Variants in ALMS1 observed in about 807,000 individuals in gnomAD.
ALMS1 encodes the protein ALMS1 centrosome and basal body associated protein.
Under a neutral mutation model 352.2 loss-of-function variants are expected in ALMS1, and 271 were observed. That is an observed-to-expected ratio of 0.77 (90% CI 0.70 to 0.85). The LOEUF is 0.85. Ranked by LOEUF, ALMS1 falls within the 40% of genes least tolerant of loss-of-function variation. The pLI is 0.00. For synonymous variants in ALMS1, 1,865 were observed against 1,761.2 expected, an observed-to-expected ratio of 1.06 and a Z score of -1.48; for missense variants, 5,445 against 4,870.7, an observed-to-expected ratio of 1.12 and a Z score of -3.51.
At position 73,557,234 on chromosome 2, in the gene ALMS1, G is replaced by T. The variant is rs1316719149; in HGVS notation, c.10093G>T (p.Val3365Leu). ...CGTTATTCCAGATGCCTCAGTTCAA[G>T]TGCTAATCACTGGGGATGAGAACCT... Reference protein sequence around the residue: ...QNENADASVQVLITGDENLSD... With the variant: ...QNENADASVQLLITGDENLSD... Residue 3365 changes from valine to leucine, a missense_variant, in exon 14 of 23, where the codon GTG becomes TTG. Physicochemically the swap from Val to Leu is conservative, Grantham distance 32 (BLOSUM62 1). Transcript: ENST00000613296. 1 of 1,614,054 alleles carries T rather than the reference G, an allele frequency of 6.2e-7. No homozygotes were observed. Among genetic ancestry groups the T allele is most frequent in the Admixed American group, 1.7e-5 (1 of 60,018 alleles).
chr2:73,609,737 A>T lies in ALMS1; in HGVS notation c.*125A>T. 1.0e-6 allele frequency: 1 copy of T among 982,832 alleles called. No individual in the cohort carries two copies. The highest frequency in any genetic ancestry group is 1.6e-6 in the Non-Finnish European group (1 of 625,782). The allele number at this position is 982,832 out of a possible 1,614,324, so 60.9% of individuals were successfully genotyped here. ...TGTCCATGTGTATTTTAGAAATAGT[A>T]ACTTCTAAAGAGTCTGGAACAAAGT... On this transcript the variant is annotated 3_prime_UTR_variant, in exon 23 of 23. Transcript: ENST00000613296.
chr2:73,438,915 T>C (rs1479938979), intron 7 of ALMS1, among the ~76,000 whole-genome samples: 1 of 152,144 alleles, frequency 6.6e-6, no homozygotes, highest in Admixed American at 6.5e-5. Flanking sequence ...AGAATTCTCT[T>C]TGTCCCTCGT....
At chr2:73,531,871 A>G (rs558150388) in intron 11 of ALMS1, among the ~76,000 whole-genome samples, 3 of 152,280 alleles carry the variant, frequency 2.0e-5, no homozygotes, top group African/African-American at 4.8e-5. Context: ...AACCATCAAG[A>G]TCTCCTGAGA....
At chr2:73,549,351 G>A (rs1573012284) in intron 12 of ALMS1, among the ~76,000 whole-genome samples, 1 of 152,106 alleles carries the variant, frequency 6.6e-6, no homozygotes, top group East Asian at 1.9e-4. Context: ...TAATCTTCTG[G>A]AAACATAGCT....
chr2:73,422,719 T>G, intron 3 of ALMS1, 138 bp from the exon 4 acceptor site: 1 of 723,402 alleles, frequency 1.4e-6, no homozygotes, highest in Non-Finnish European at 2.4e-6. Context: ...CTGCTACTGC[T>G]GTTGCTTTTA....
intron 10 of ALMS1, among the ~76,000 whole-genome samples, chr2:73,505,550 C>T (rs1054737502): frequency 1.3e-5 from 2 of 152,148 alleles, no homozygotes; most frequent in Non-Finnish European, 2.9e-5. Flanking sequence ...ATCCTTCGCC[C>T]ACTTTTTGAT....
chr2:73,503,086 T>C (rs1673249246), intron 10 of ALMS1, among the ~76,000 whole-genome samples: 1 of 152,070 alleles, frequency 6.6e-6, no homozygotes, highest in Admixed American at 6.6e-5. Context: ...CCCAGTAATG[T>C]CTTTTTTTTT....
At chr2:73,474,863 A>G (rs929390757) in intron 9 of ALMS1, among the ~76,000 whole-genome samples, 4 of 152,170 alleles carry the variant, frequency 2.6e-5, no homozygotes, top group South Asian at 2.1e-4. Flanking sequence ...GAATTTTACA[A>G]TAGCATAATT....
At chr2:73,421,946 C>G (rs1001610265) in intron 3 of ALMS1, among the ~76,000 whole-genome samples, 3 of 152,042 alleles carry the variant, frequency 2.0e-5, no homozygotes, top group African/African-American at 7.2e-5. Flanking sequence ...TTCAGGAAAT[C>G]ACAAGAATTT....
intron 16 of ALMS1, among the ~76,000 whole-genome samples, chr2:73,594,668 T>C (rs2104173238): frequency 6.6e-6 from 1 of 152,324 alleles, no homozygotes; most frequent in South Asian, 2.1e-4. Context: ...TCAAAGGCTT[T>C]AACTTAAATC....
chr2:73,537,347 T>C (rs1354903514), intron 12 of ALMS1, among the ~76,000 whole-genome samples: 1 of 152,138 alleles, frequency 6.6e-6, no homozygotes, highest in South Asian at 2.1e-4. Flanking sequence ...CTGTGTATGC[T>C]CAGGAAAGAC....
At chr2:73,501,012 T>C (rs1197570365) in intron 10 of ALMS1, among the ~76,000 whole-genome samples, 4 of 152,192 alleles carry the variant, frequency 2.6e-5, no homozygotes, top group East Asian at 1.9e-4. Context: ...TTAACAGTTA[T>C]TTTTAATTTC....
At chr2:73,489,595 A>G (rs755819722) in intron 9 of ALMS1, 39 bp from the exon 10 acceptor site, 1 of 1,610,608 alleles carries the variant, frequency 6.2e-7, no homozygotes, top group South Asian at 1.1e-5. Flanking sequence ...AACTACTTGG[A>G]CTACTTCAAA....
chr2:73,461,569 G>A lies in ALMS1; in HGVS notation c.7674+6274G>A, dbSNP rs185991686. Reference sequence around the variant, plus strand: ...AGCGCCTCTCCTCCTCCAAAGGAACGCAGCTCCTCAGCAGCAACGGAACAA... The same window carrying A: ...AGCGCCTCTCCTCCTCCAAAGGAACACAGCTCCTCAGCAGCAACGGAACAA... On this transcript the variant is annotated intron_variant, in intron 9 of 22. Transcript: ENST00000613296. 2.0e-3 allele frequency among the ~76,000 whole-genome samples: 305 copies of A among 152,312 alleles called. 4 individuals are homozygous for A. The Middle Eastern group carries it at 0.02, about 10-fold the overall frequency.
At chr2:73,561,135 T>A (rs190811986) in intron 15 of ALMS1, among the ~76,000 whole-genome samples, 31 of 152,366 alleles carry the variant, frequency 2.0e-4, no homozygotes, top group South Asian at 1.0e-3. Flanking sequence ...AGATGTCCAT[T>A]ATCTAGGTTT....
At position 73,550,435 on chromosome 2, in the gene ALMS1, C is replaced by G. The variant is rs759185276; in HGVS notation, c.10076C>G (p.Ala3359Gly). 1.9e-6 allele frequency: 3 copies of G among 1,614,040 alleles called. No homozygotes were observed. The Admixed American group carries it at 5.0e-5, about 27-fold the overall frequency. ...VGEKPLQNEN[A>G]DASVQVLITG... ...GAAAAACCCTTGCAGAATGAAAATGCAGGTAACTGGATTGGCTTTGTATAC... is the reference window on the plus strand; with the variant it reads ...GAAAAACCCTTGCAGAATGAAAATGGAGGTAACTGGATTGGCTTTGTATAC... The change falls in exon 13 of 23, where the codon GCA becomes GGA. Residue 3359 changes from alanine to glycine, a missense_variant and splice_region_variant. Transcript: ENST00000613296.
At chr2:73,430,480 G>A (rs1671477765) in intron 6 of ALMS1, among the ~76,000 whole-genome samples, 1 of 152,182 alleles carries the variant, frequency 6.6e-6, no homozygotes, top group South Asian at 2.1e-4. Context: ...TTTGAAAGCT[G>A]TAGAAGAAAA....
chr2:73,550,251 C>T lies in ALMS1; in HGVS notation c.9908-16C>T. 6.2e-7 allele frequency: 1 copy of T among 1,613,652 alleles called. No individual in the cohort carries two copies. The highest frequency in any genetic ancestry group is 8.5e-7 in the Non-Finnish European group (1 of 1,179,808). ...TCGCTATTTGTGTTTTGTATTACTTCCCCGTTTTTCTGTAGGATCCAATGA... is the reference window on the plus strand; with the variant it reads ...TCGCTATTTGTGTTTTGTATTACTTTCCCGTTTTTCTGTAGGATCCAATGA... On this transcript the variant is annotated splice_polypyrimidine_tract_variant and intron_variant, in intron 12 of 22. Transcript: ENST00000613296.
intron 12 of ALMS1, among the ~76,000 whole-genome samples, chr2:73,547,399 C>T (rs1257601499): frequency 1.3e-5 from 2 of 152,096 alleles, no homozygotes. Context: ...GTGACTGGCC[C>T]CTTTTTCAGT....
Sources: gnomAD v4.1 joint callset for allele counts (sites outside exome capture counted in the v4.1 genomes callset) on GRCh38, gnomAD v4.1.1 for gene constraint, MANE v1.5 for transcripts, NCBI Gene and HGNC (gene_info 2026-07-23, HGNC 2026-07-21) for gene names.